ESR1: variants seen among roughly 807,000 people sequenced by gnomAD.
The protein encoded by ESR1 is estrogen receptor.
ESR1 carries 12 observed loss-of-function variants against 52.7 expected under a neutral mutation model. The observed-to-expected ratio is 0.23, with a 90% CI of 0.15 to 0.37. The LOEUF is 0.37. Among genes scored for constraint, ESR1 ranks in the 10% least tolerant of loss-of-function variants. ESR1 has a pLI of 1.00. For synonymous variants in ESR1, 305 were observed against 316.8 expected (o/e 0.96, Z 0.39); for missense variants, 584 against 779.7 (o/e 0.75, Z 2.99).
At chr6:151,909,771 A>C (rs903296509) in intron 3 of ESR1, among the ~76,000 whole-genome samples, 2 of 152,108 alleles carry the variant, frequency 1.3e-5, no homozygotes, top group African/African-American at 4.8e-5. Flanking sequence ...GGAGTGGTAG[A>C]TGTGTAGTGA....
At chr6:151,999,953 G>A (rs1041785126) in intron 4 of ESR1, among the ~76,000 whole-genome samples, 1 of 152,048 alleles carries the variant, frequency 6.6e-6, no homozygotes, top group Non-Finnish European at 1.5e-5. Flanking sequence ...TCTTATGTGT[G>A]TGTTTCAACC....
At chr6:151,817,638 T>C (rs1326935030) in intron 1 of ESR1, among the ~76,000 whole-genome samples, 3 of 152,050 alleles carry the variant, frequency 2.0e-5, no homozygotes, top group African/African-American at 7.2e-5. Flanking sequence ...ACAAAGAAGG[T>C]AGATTGAAGG....
rs779557793 is a variant in ESR1, at chr6:151,808,355, C to G, written c.443C>G (p.Ala148Gly). The G allele has an allele frequency of 7.7e-7, 1 of 1,296,858 alleles. No individual in the cohort carries two copies. Among genetic ancestry groups the G allele is most frequent in the East Asian group, 3.9e-5 (1 of 25,696 alleles). 80.3% of individuals were successfully genotyped at this position (1,296,858 alleles called of 1,614,324 possible). A position where few individuals can be genotyped will look rare whatever the true frequency, so the allele number is the denominator to read the frequency against. The change falls in exon 1 of 8, where the codon GCA (alanine) becomes GGA (glycine). Residue 148 changes from alanine (A) to glycine (G), a missense_variant. Transcript: ENST00000206249. ...ACGGTGCGCGAGGCCGGCCCGCCGG[C>G]ATTCTACAGGTACCCGCGCCCGCGC... ...GYTVREAGPP[A>G]FYRPNSDNRR...
rs1468896316 is a variant in ESR1, at chr6:152,099,851, G to C, written c.*885G>C. 2.5e-6 allele frequency: 1 copy of C among 396,686 alleles called. No individual in the cohort carries two copies. The highest frequency in any genetic ancestry group is 2.1e-5 in the African/African-American group (1 of 48,638). The allele number at this position is 396,686 out of a possible 1,614,324, so 24.6% of individuals were successfully genotyped here. A position where few individuals can be genotyped will look rare whatever the true frequency, so the allele number is the denominator to read the frequency against. ...TTCAGGACCTGTTCCAGTGGGCACT[G>C]TACTTGGATCTTCCCGGCGTGTGTG... On this transcript the variant is annotated 3_prime_UTR_variant, in exon 8 of 8. Transcript: ENST00000206249.
At chr6:151,853,911 TA>T (rs1189508551) in intron 2 of ESR1, among the ~76,000 whole-genome samples, 5 of 152,210 alleles carry the variant, frequency 3.3e-5, no homozygotes, top group Non-Finnish European at 7.3e-5. Flanking sequence ...TCAGTGGCAA[TA>T]ATTTCCCATA....
intron 1 of ESR1, among the ~76,000 whole-genome samples, chr6:151,691,046 G>T (rs934484564): frequency 1.3e-5 from 2 of 152,146 alleles, no homozygotes; most frequent in Non-Finnish European, 2.9e-5. Flanking sequence ...GCTCTTAATT[G>T]GACAAATCTC....
intron 4 of ESR1, among the ~76,000 whole-genome samples, chr6:152,003,985 C>G (rs1395736162): frequency 4.6e-5 from 7 of 151,922 alleles, no homozygotes; most frequent in Non-Finnish European, 8.8e-5. Context: ...AACAATTTCT[C>G]TCTTTGTATT....
intron 2 of ESR1, among the ~76,000 whole-genome samples, chr6:151,743,924 G>A (rs910097336): frequency 2.6e-5 from 4 of 151,656 alleles, no homozygotes; most frequent in African/African-American, 4.8e-5. Context: ...CCATTTCCCC[G>A]GCCCCTGATA....
Position 151,951,699 on chromosome 6 carries a change from C to T in ESR1, c.1096+7191C>T, listed in dbSNP as rs969448620. Among the ~76,000 whole-genome samples, 3 of 152,182 alleles carry T rather than the reference C, an allele frequency of 2.0e-5. No individual in the cohort carries two copies. The East Asian group carries it at 5.8e-4, about 29-fold the overall frequency. On this transcript the variant is annotated intron_variant, in intron 4 of 7. Coordinates refer to ENST00000206249, the MANE Select transcript of ESR1 (RefSeq NM_000125.4). ...TCCATTCTCACTTTTCCCATCTGTCCTCCCAAATTCTTTCACTCTTCCTGA... is the reference window on the plus strand; with the variant it reads ...TCCATTCTCACTTTTCCCATCTGTCTTCCCAAATTCTTTCACTCTTCCTGA...
At chr6:152,077,384 T>C (rs2048827122) in intron 6 of ESR1, among the ~76,000 whole-genome samples, 2 of 152,186 alleles carry the variant, frequency 1.3e-5, no homozygotes, top group South Asian at 4.1e-4. Context: ...GGGGCCCTCA[T>C]GGAGGGCCTC....
At chr6:151,724,120 G>A (rs1781667931) in intron 2 of ESR1, among the ~76,000 whole-genome samples, 1 of 152,064 alleles carries the variant, frequency 6.6e-6, no homozygotes, top group Non-Finnish European at 1.5e-5. Flanking sequence ...CCCCAGATAG[G>A]CTTGGGATCT....
At chr6:151,758,679 T>C (rs896108681) in intron 2 of ESR1, among the ~76,000 whole-genome samples, 8 of 151,396 alleles carry the variant, frequency 5.3e-5, no homozygotes, top group Non-Finnish European at 8.8e-5. Flanking sequence ...GAGAATTGCT[T>C]GAACCAGGCA....
At chr6:152,003,483 T>G (rs561242981) in intron 4 of ESR1, among the ~76,000 whole-genome samples, 1 of 151,870 alleles carries the variant, frequency 6.6e-6, no homozygotes, top group South Asian at 2.1e-4. Flanking sequence ...CAGAAACAAG[T>G]AGGAGTGAGG....
chr6:152,024,841 A>G lies in ESR1; in HGVS notation c.1235+13047A>G, dbSNP rs373297817. 7.3e-5 allele frequency among the ~76,000 whole-genome samples: 11 copies of G among 150,316 alleles called. No individual in the cohort carries two copies. The South Asian group carries it at 2.1e-3, about 29-fold the overall frequency. On this transcript the variant is annotated intron_variant, in intron 5 of 7. Coordinates refer to ENST00000206249, the MANE Select transcript of ESR1 (RefSeq NM_000125.4). ...ACATATACACATATATACACATTAT[A>G]TGTATGTTTATACACATATAAATAC... is the stretch of plus-strand genomic sequence containing the variant.
intron 2 of ESR1, among the ~76,000 whole-genome samples, chr6:151,788,220 GGTCTACTATCCAGCATCTA>G (rs1349274580): frequency 2.0e-5 from 3 of 152,082 alleles, no homozygotes; most frequent in Non-Finnish European, 4.4e-5. Flanking sequence ...GTCTAACCAA[GGTCTACTATCCAGCATCTA>G]TAAGGAACTT....
At chr6:151,773,510 G>A (rs1399269715) in intron 2 of ESR1, among the ~76,000 whole-genome samples, 3 of 152,218 alleles carry the variant, frequency 2.0e-5, no homozygotes, top group African/African-American at 4.8e-5. Flanking sequence ...AAAGCTGAAA[G>A]CCTATGGACA....
intron 1 of ESR1, among the ~76,000 whole-genome samples, chr6:151,835,231 A>G (rs535362363): frequency 6.6e-5 from 10 of 152,106 alleles, no homozygotes; most frequent in Admixed American, 2.0e-4. Flanking sequence ...ACTTATTTTA[A>G]TTTTGCATGC....
intron 2 of ESR1, among the ~76,000 whole-genome samples, chr6:151,731,552 G>T (rs879659100): frequency 6.6e-6 from 1 of 152,204 alleles, no homozygotes; most frequent in Admixed American, 6.5e-5. Context: ...GCTGCCTCGT[G>T]CCAGGTCAGC....
intron 2 of ESR1, among the ~76,000 whole-genome samples, chr6:151,850,073 TAAAAAA>T: frequency 1.4e-5 from 1 of 72,060 alleles, no homozygotes; most frequent in South Asian, 4.8e-4. Flanking sequence ...TATATATATA[TAAAAAA>T]TTATATATAT....
Sources: allele counts gnomAD v4.1 joint callset (sites outside exome capture counted in the v4.1 genomes callset), GRCh38; gene constraint gnomAD v4.1.1; transcripts MANE v1.5; gene names NCBI Gene and HGNC (gene_info 2026-07-23, HGNC 2026-07-21).